The following C11orf16 variants were observed in gnomAD, a reference collection of about 807,000 sequenced individuals.
C11orf16 encodes chromosome 11 open reading frame 16.
In C11orf16, 38 loss-of-function variants were observed where a neutral mutation model predicts 45.1. That is an observed-to-expected ratio of 0.84 (90% CI 0.65 to 1.10). The LOEUF is 1.10. Ranked by LOEUF, C11orf16 falls within the 50% of genes least tolerant of loss-of-function variation. C11orf16 has a pLI of 0.00. For synonymous variants in C11orf16, 221 were observed against 222.0 expected (o/e 1.00, Z 0.04); for missense variants, 583 against 569.5 (o/e 1.02, Z -0.24).
chr11:8,925,272 T>G (rs528836155), intron 5 of C11orf16, among the ~76,000 whole-genome samples, 191 bp downstream of exon 5: 2 of 152,350 alleles, frequency 1.3e-5, no homozygotes, highest in East Asian at 3.9e-4. Context: ...CCTTTGGGCC[T>G]CATAGCTGAA....
chr11:8,927,862 TTTG>T (rs2064625152), intron 3 of C11orf16, among the ~76,000 whole-genome samples: 1 of 152,244 alleles, frequency 6.6e-6, no homozygotes, highest in Non-Finnish European at 1.5e-5. Flanking sequence ...TGAGCAAAGC[TTTG>T]CTAGAATTTC....
chr11:8,920,434 C>T lies in C11orf16; in HGVS notation c.*39G>A. ...CTGTATAACTCTCCTCGAATATTTA[C>T]CATGTTTATTCTTTACCTATAAAAG... On this transcript the variant is annotated 3_prime_UTR_variant, in exon 7 of 7. Transcript: ENST00000326053. The T allele has an allele frequency of 2.9e-6, 2 of 678,662 alleles. No homozygotes were observed. The highest frequency in any genetic ancestry group is 2.8e-5 in the East Asian group (1 of 35,340). The allele number at this position is 678,662 out of a possible 1,614,324, so 42.0% of individuals were successfully genotyped here.
At chr11:8,930,243 C>T (rs764281721) in intron 2 of C11orf16, among the ~76,000 whole-genome samples, 1 of 151,692 alleles carries the variant, frequency 6.6e-6, no homozygotes, top group Non-Finnish European at 1.5e-5. Flanking sequence ...CTGGACAACA[C>T]GGTGAAACCC....
At chr11:8,930,686 T>A (rs375537007) in intron 2 of C11orf16, among the ~76,000 whole-genome samples, 2 of 152,238 alleles carry the variant, frequency 1.3e-5, no homozygotes, top group African/African-American at 4.8e-5. Context: ...AGGGGAGTTG[T>A]TGAGTCAGGG....
intron 5 of C11orf16, among the ~76,000 whole-genome samples, chr11:8,922,561 C>T (rs964753744): frequency 6.6e-6 from 1 of 152,200 alleles, no homozygotes; most frequent in Admixed American, 6.5e-5. Flanking sequence ...CTCCCTAGGA[C>T]TATTAGGATC....
rs897756747 is a variant in C11orf16 at position 8,926,178 on chromosome 11, T to A, written c.560-71A>T. 3 of 1,341,730 alleles carry A rather than the reference T, an allele frequency of 2.2e-6. No individual in the cohort carries two copies. In the East Asian group the frequency reaches 7.5e-5, roughly 33 times the overall value. The allele number at this position is 1,341,730 out of a possible 1,614,324, so 83.1% of individuals were successfully genotyped here. A position where few individuals can be genotyped will look rare whatever the true frequency, so the allele number is the denominator to read the frequency against. ...CTCCTTTTTTTTCTTTTTTCTTTTTTTCTTTTCTTTTTTTTTTTTTTTTTT... is the reference window on the plus strand; with the variant it reads ...CTCCTTTTTTTTCTTTTTTCTTTTTATCTTTTCTTTTTTTTTTTTTTTTTT... On this transcript the variant is annotated intron_variant, in intron 4 of 6. Coordinates refer to ENST00000326053, the MANE Select transcript of C11orf16 (RefSeq NM_020643.3).
At chr11:8,924,510 A>G (rs2064595558) in intron 5 of C11orf16, among the ~76,000 whole-genome samples, 1 of 24,310 alleles carries the variant, frequency 4.1e-5, no homozygotes, top group Non-Finnish European at 1.0e-3. Flanking sequence ...TGGGCAACAG[A>G]GTGAGACTCT....
chr11:8,922,936 A>G (rs926265780), intron 5 of C11orf16, among the ~76,000 whole-genome samples: 1 of 152,158 alleles, frequency 6.6e-6, no homozygotes, highest in Non-Finnish European at 1.5e-5. Context: ...CCTCTCGGGC[A>G]TGCTCTCCAT....
At chr11:8,920,542 C>A in intron 6 of C11orf16, 92 bp from the exon 7 acceptor site, 1 of 599,868 alleles carries the variant, frequency 1.7e-6, no homozygotes. Context: ...TTGATTGTGG[C>A]CGAGTGCGGT....
intron 5 of C11orf16, among the ~76,000 whole-genome samples, chr11:8,921,889 C>T (rs2064577493): frequency 6.6e-6 from 1 of 152,234 alleles, no homozygotes; most frequent in African/African-American, 2.4e-5. Context: ...GATCCTCCAG[C>T]CTCAGCCTCC....
chr11:8,925,483 T>C lies in C11orf16; in HGVS notation c.1184A>G (p.Glu395Gly), dbSNP rs745944343. The part of the protein sequence containing the change: ...EWRYWKRNGP[E>G]PCLGKPGTRY... ...TATACCTGGCTTCCCAAGGCATGGC[T>C]CAGGCCCGTTTCTCTTCCAATACCT... is the stretch of plus-strand genomic sequence containing the variant. The change falls in exon 5 of 7, where the codon GAG (glutamate) becomes GGG (glycine). Residue 395 changes from glutamate (E) to glycine (G), a missense_variant. Physicochemically the swap from Glu to Gly is moderately conservative, Grantham distance 98. Transcript: ENST00000326053. 2 of 1,613,862 alleles carry C rather than the reference T, an allele frequency of 1.2e-6. No homozygotes were observed. The highest frequency in any genetic ancestry group is 8.5e-7 in the Non-Finnish European group (1 of 1,179,954).
chr11:8,922,897 G>A (rs1029610660), intron 5 of C11orf16, among the ~76,000 whole-genome samples: 4 of 152,196 alleles, frequency 2.6e-5, no homozygotes, highest in Admixed American at 6.5e-5. Context: ...CATGTGGTGA[G>A]GGCGGGGGAT....
rs150340754 is a variant in C11orf16 at position 8,932,209 on chromosome 11, C to G, written c.100G>C (p.Asp34His). Reference protein sequence around the residue: ...PGWDGAAPPWDLSFTYPFALQ... With the variant: ...PGWDGAAPPWHLSFTYPFALQ... ...GCAAAGGGGTAGGTGAAGGAGAGGT[C>G]CCAAGGTGGAGCAGCACCGTCCCAG... The change falls in exon 2 of 7, where the codon GAC (aspartate) becomes CAC (histidine). Residue 34 changes from aspartate (D) to histidine (H), a missense_variant. By Grantham distance (81) the Asp-to-His change is moderately conservative. Coordinates refer to ENST00000326053, the MANE Select transcript of C11orf16 (RefSeq NM_020643.3). 2.5e-6 allele frequency: 4 copies of G among 1,599,828 alleles called. No individual in the cohort carries two copies. The African/African-American group carries it at 5.3e-5, about 21-fold the overall frequency.
At chr11:8,928,620 C>T (rs977003339) in intron 3 of C11orf16, among the ~76,000 whole-genome samples, 1 of 152,166 alleles carries the variant, frequency 6.6e-6, no homozygotes, top group Admixed American at 6.5e-5. Flanking sequence ...CCTGCCTGAG[C>T]CTCCCAAGTA....
At position 8,921,449 on chromosome 11, in the gene C11orf16, A is replaced by G. The variant is rs372077599; in HGVS notation, c.1271T>C (p.Val424Ala). ...GACCAGCTCCTTGGTAGTCCCCACTACTGCAGTTTGTGCTCTCTGCTGTTT... is the reference window on the plus strand; with the variant it reads ...GACCAGCTCCTTGGTAGTCCCCACTGCTGCAGTTTGTGCTCTCTGCTGTTT... Reference protein sequence around the residue: ...DHKQQRAQTAVVGTTKELVSK... With the variant: ...DHKQQRAQTAAVGTTKELVSK... Residue 424 changes from valine (V) to alanine (A), a missense_variant, in exon 6 of 7, where the codon GTA becomes GCA. Transcript: ENST00000326053. 19 of 1,614,078 alleles carry G rather than the reference A, an allele frequency of 1.2e-5. No homozygotes were observed. Among genetic ancestry groups the G allele is most frequent in the Admixed American group, 1.7e-5 (1 of 59,998 alleles).
At position 8,926,093 on chromosome 11, in the gene C11orf16, CT is replaced by C. The variant is rs753390647; in HGVS notation, c.573del (p.Glu192LysfsTer16). 12 of 1,595,112 alleles carry C rather than the reference CT, an allele frequency of 7.5e-6. No individual in the cohort carries two copies. The South Asian group carries it at 1.2e-4, about 16-fold the overall frequency. Reference protein sequence around the residue: ...MRDPQRASKEKEITVHFWNGK... With the variant: ...MRDPQRASKEXEITVHFWNGK... Reference sequence around the variant, plus strand: ...CCATTCCAGAAATGAACAGTGATTTCTTTTTCCTTTGATGCTACATAACAAA... The same window carrying C: ...CCATTCCAGAAATGAACAGTGATTTCTTTTCCTTTGATGCTACATAACAAA... On this transcript the variant is annotated frameshift_variant, in exon 5 of 7. Coordinates refer to ENST00000326053, the MANE Select transcript of C11orf16 (RefSeq NM_020643.3). LOFTEE classifies it high-confidence loss of function.
At chr11:8,927,531 G>A (rs1344077808) in intron 3 of C11orf16, 1 of 448,696 alleles carries the variant, frequency 2.2e-6, no homozygotes. Context: ...TTTTCTCAAT[G>A]CAATCTCCTC....
rs151335265 is a variant in C11orf16, at chr11:8,925,491, G to T, written c.1176C>A (p.Asn392Lys). ...GCTTCCCAAGGCATGGCTCAGGCCC[G>T]TTTCTCTTCCAATACCTCCACTCAG... is the stretch of plus-strand genomic sequence containing the variant. ...CQPEWRYWKR[N>K]GPEPCLGKPG... Residue 392 changes from asparagine (N) to lysine (K), a missense_variant, in exon 5 of 7, where the codon AAC (asparagine) becomes AAA (lysine). By Grantham distance (94) the Asn-to-Lys change is moderately conservative. Transcript: ENST00000326053. 6 of 1,614,036 alleles carry T rather than the reference G, an allele frequency of 3.7e-6. No individual in the cohort carries two copies. In the African/African-American group the frequency reaches 6.7e-5, roughly 18 times the overall value.
At chr11:8,931,804 A>AGC (rs2064651612) in intron 2 of C11orf16, among the ~76,000 whole-genome samples, 1 of 152,162 alleles carries the variant, frequency 6.6e-6, no homozygotes, top group African/African-American at 2.4e-5. Context: ...GGGATTGTAT[A>AGC]CAGGTGTGAG....
Sources: allele counts gnomAD v4.1 joint callset (sites outside exome capture counted in the v4.1 genomes callset), GRCh38; gene constraint gnomAD v4.1.1; transcripts MANE v1.5; gene names NCBI Gene and HGNC (gene_info 2026-07-23, HGNC 2026-07-21).